LGR4: variants seen among roughly 807,000 people sequenced by gnomAD.
LGR4 encodes leucine-rich repeat-containing G protein-coupled receptor 4.
In LGR4, 44 loss-of-function variants were observed where a neutral mutation model predicts 84.8. The ratio of observed to expected loss-of-function variants is 0.52; its 90% CI spans 0.41 to 0.67. The LOEUF is 0.67. Among genes scored for constraint, LGR4 ranks in the 30% least tolerant of loss-of-function variants. The pLI is 0.00. For synonymous variants in LGR4, 429 were observed against 434.3 expected (o/e 0.99, Z 0.15); for missense variants, 1,032 against 1,131.4 (o/e 0.91, Z 1.26).
chr11:27,372,549 C>T, intron 15 of LGR4, 151 bp from the exon 16 acceptor site: 1 of 578,904 alleles, frequency 1.7e-6, no homozygotes, highest in Non-Finnish European at 3.1e-6. Context: ...CTCTCTGGGC[C>T]TCAGTTTCCT....
intron 1 of LGR4, among the ~76,000 whole-genome samples, chr11:27,440,784 G>A (rs780298485): frequency 6.6e-6 from 1 of 152,072 alleles, no homozygotes; most frequent in Non-Finnish European, 1.5e-5. Flanking sequence ...CTCAAATTGT[G>A]CTCTCAGAAC....
chr11:27,472,738 C>T lies in LGR4; in HGVS notation c.-436G>A. 2.8e-6 allele frequency: 1 copy of T among 356,202 alleles called. No individual in the cohort carries two copies. The highest frequency in any genetic ancestry group is 5.0e-6 in the Non-Finnish European group (1 of 199,306). 22.1% of individuals were successfully genotyped at this position (356,202 alleles called of 1,614,324 possible). The stretch of plus-strand genomic sequence containing the variant: ...ACCCAGACTCTGGCTCGCTGTCTCC[C>T]AGCCGCGGCTCAATCTCTTCCCGTC... On this transcript the variant is annotated 5_prime_UTR_variant, in exon 1 of 18. Coordinates refer to ENST00000379214, the MANE Select transcript of LGR4 (RefSeq NM_018490.5).
chr11:27,468,042 T>C (rs1414631898), intron 1 of LGR4, among the ~76,000 whole-genome samples: 1 of 152,104 alleles, frequency 6.6e-6, no homozygotes, highest in African/African-American at 2.4e-5. Flanking sequence ...ACAGTAGATA[T>C]CAGAGAATAC....
At chr11:27,445,053 G>A (rs1176911193) in intron 1 of LGR4, among the ~76,000 whole-genome samples, 1 of 151,938 alleles carries the variant, frequency 6.6e-6, no homozygotes. Flanking sequence ...CAGAACTCGG[G>A]CAGCTGCCCT....
At chr11:27,391,058 T>A (rs1449133956) in intron 4 of LGR4, 36 bp downstream of exon 4, 1 of 1,204,044 alleles carries the variant, frequency 8.3e-7, no homozygotes, top group Non-Finnish European at 1.2e-6. Flanking sequence ...GCCAGAGTAG[T>A]CTCTTGGTGA....
intron 1 of LGR4, among the ~76,000 whole-genome samples, chr11:27,432,216 C>A (rs1352877505): frequency 1.3e-5 from 2 of 152,218 alleles, no homozygotes; most frequent in Non-Finnish European, 2.9e-5. Context: ...TCCTCCTTCC[C>A]ACAGTTTCCT....
At chr11:27,455,925 G>A (rs1864567054) in intron 1 of LGR4, among the ~76,000 whole-genome samples, 1 of 152,134 alleles carries the variant, frequency 6.6e-6, no homozygotes, top group African/African-American at 2.4e-5. Context: ...CTATTGGGAG[G>A]ATTAAATAGA....
intron 1 of LGR4, among the ~76,000 whole-genome samples, chr11:27,447,485 G>C (rs1316968749): frequency 6.6e-6 from 1 of 152,144 alleles, no homozygotes; most frequent in African/African-American, 2.4e-5. Flanking sequence ...CTGAAAGGGG[G>C]AAGAACCCTC....
chr11:27,408,149 T>C (rs1863647765), intron 2 of LGR4, among the ~76,000 whole-genome samples: 1 of 152,134 alleles, frequency 6.6e-6, no homozygotes, highest in Non-Finnish European at 1.5e-5. Flanking sequence ...GTAATTCAAT[T>C]ATTTAAAACT....
At chr11:27,412,895 A>C in intron 1 of LGR4, 35 bp from the exon 2 acceptor site, 1 of 1,344,056 alleles carries the variant, frequency 7.4e-7, no homozygotes, top group South Asian at 1.2e-5. Flanking sequence ...TTGTTAATTA[A>C]GTGGTATGAA....
chr11:27,368,786 G>T lies in LGR4; in HGVS notation c.1937C>A (p.Ser646Tyr), dbSNP rs762137826. The change falls in exon 18 of 18, where the codon TCT (serine) becomes TAT (tyrosine). Residue 646 changes from serine to tyrosine, a missense_variant. By Grantham distance (144) the Ser-to-Tyr change is moderately radical. Coordinates refer to ENST00000379214, the MANE Select transcript of LGR4 (RefSeq NM_018490.5). ...LMLATVERSL[S>Y]AKDIMKNGKS... ...CCCATTTTTCATTATATCTTTTGCA[G>T]ATAAGCTTCTTTCGACAGTTGCTAG... 7 of 1,614,100 alleles carry T rather than the reference G, an allele frequency of 4.3e-6. No individual in the cohort carries two copies. The highest frequency in any genetic ancestry group is 5.9e-6 in the Non-Finnish European group (7 of 1,180,006).
rs927082913 is a variant in LGR4 at position 27,372,401 on chromosome 11, G to A, written c.1380-3C>T. 5.7e-6 allele frequency: 9 copies of A among 1,566,256 alleles called. No homozygotes were observed. The highest frequency in any genetic ancestry group is 7.9e-6 in the Non-Finnish European group (9 of 1,137,838). On this transcript the variant is annotated splice_region_variant and splice_polypyrimidine_tract_variant and intron_variant, in intron 15 of 17. Transcript: ENST00000379214. The stretch of plus-strand genomic sequence containing the variant: ...AAGCATATGGTACTGATAAAGACCT[G>A]GAAAAAAAAGTTGTAAAATCTACAC...
intron 1 of LGR4, among the ~76,000 whole-genome samples, chr11:27,419,140 C>CA (rs1309802826): frequency 6.6e-6 from 1 of 151,790 alleles, no homozygotes; most frequent in East Asian, 1.9e-4. Context: ...TGAAACAACA[C>CA]AAAAAAGATT....
Position 27,472,268 on chromosome 11 carries a change from G to A in LGR4, c.35C>T (p.Ala12Val), listed in dbSNP as rs1178638283. ...CCCGGCCGAGCCGAGCAGCCCCAGGGCGAGGAAGCAGAGCAGCCCTAGCGG... is the reference window on the plus strand; with the variant it reads ...CCCGGCCGAGCCGAGCAGCCCCAGGACGAGGAAGCAGAGCAGCCCTAGCGG... ...PGPLGLLCFL[A>V]LGLLGSAGPS... The change falls in exon 1 of 18, where the codon GCC becomes GTC. Residue 12 changes from alanine to valine, a missense_variant. Physicochemically the swap from Ala to Val is moderately conservative, Grantham distance 64 (BLOSUM62 0). Transcript: ENST00000379214. The A allele has an allele frequency of 2.4e-6, 3 of 1,270,732 alleles. No individual in the cohort carries two copies. The highest frequency in any genetic ancestry group is 2.0e-6 in the Non-Finnish European group (2 of 1,013,866). 78.7% of individuals were successfully genotyped at this position (1,270,732 alleles called of 1,614,324 possible). A position where few individuals can be genotyped will look rare whatever the true frequency, so the allele number is the denominator to read the frequency against.
At chr11:27,426,529 T>C (rs1016901073) in intron 1 of LGR4, among the ~76,000 whole-genome samples, 1 of 152,186 alleles carries the variant, frequency 6.6e-6, no homozygotes, top group Admixed American at 6.5e-5. Context: ...GTATAACTCT[T>C]ACTAGTTGTA....
intron 1 of LGR4, among the ~76,000 whole-genome samples, chr11:27,432,479 G>A (rs1040820943): frequency 6.6e-6 from 1 of 152,108 alleles, no homozygotes; most frequent in African/African-American, 2.4e-5. Flanking sequence ...ATTCAAAGAG[G>A]TGGACATGGA....
At chr11:27,397,122 AC>A (rs1197944500) in intron 2 of LGR4, among the ~76,000 whole-genome samples, 4 of 152,134 alleles carry the variant, frequency 2.6e-5, no homozygotes, top group African/African-American at 9.7e-5. Flanking sequence ...GCAACTAAGC[AC>A]CGTTATTACA....
chr11:27,383,008 T>C (rs1167679739), intron 6 of LGR4, among the ~76,000 whole-genome samples: 4 of 151,862 alleles, frequency 2.6e-5, no homozygotes, highest in Admixed American at 6.6e-5. Flanking sequence ...AAAGCGAGAC[T>C]CTGTCTCAAA....
chr11:27,465,374 G>A (rs1319142578), intron 1 of LGR4, among the ~76,000 whole-genome samples: 4 of 152,168 alleles, frequency 2.6e-5, no homozygotes, highest in African/African-American at 9.7e-5. Flanking sequence ...AGGCTAGTGA[G>A]CTTTTCTGAC....
Sources: gnomAD v4.1 joint callset for allele counts (sites outside exome capture counted in the v4.1 genomes callset) on GRCh38, gnomAD v4.1.1 for gene constraint, MANE v1.5 for transcripts, NCBI Gene and HGNC (gene_info 2026-07-23, HGNC 2026-07-21) for gene names.